Variants in FANCC observed in about 807,000 individuals in gnomAD.
FANCC encodes Fanconi anemia group C protein.
A neutral mutation model predicts 71.3 loss-of-function variants in FANCC; 55 were observed. The ratio of observed to expected loss-of-function variants is 0.77; its 90% CI spans 0.62 to 0.97. The LOEUF (loss-of-function observed/expected upper bound fraction) is 0.97. FANCC is among the 50% of genes least tolerant of loss of function. The pLI is 0.00. For synonymous variants in FANCC, 275 were observed against 244.9 expected (o/e 1.12, Z -1.15); for missense variants, 678 against 670.9 (o/e 1.01, Z -0.12).
At chr9:95,237,990 T>C (rs1035121415) in intron 4 of FANCC, among the ~76,000 whole-genome samples, 1 of 152,262 alleles carries the variant, frequency 6.6e-6, no homozygotes, top group East Asian at 1.9e-4. Flanking sequence ...TTTACCATTA[T>C]CTATGCAGCA....
At chr9:95,254,645 T>C (rs1254466002) in intron 1 of FANCC, among the ~76,000 whole-genome samples, 1 of 152,162 alleles carries the variant, frequency 6.6e-6, no homozygotes, top group African/African-American at 2.4e-5. Context: ...AGCACAAAAC[T>C]GGGCGGCCAT....
At chr9:95,302,500 T>A (rs1015370989) in intron 1 of FANCC, among the ~76,000 whole-genome samples, 22 of 152,312 alleles carry the variant, frequency 1.4e-4, no homozygotes, top group African/African-American at 5.3e-4. Flanking sequence ...TCCAGGAAAT[T>A]CAGTGATCCT....
intron 6 of FANCC, among the ~76,000 whole-genome samples, chr9:95,154,410 G>A (rs1588190830): frequency 6.6e-6 from 1 of 152,116 alleles, no homozygotes. Flanking sequence ...AGGTTAGGGA[G>A]ACAAACAGGA....
chr9:95,220,334 G>C (rs1829156850), intron 4 of FANCC, among the ~76,000 whole-genome samples: 1 of 152,224 alleles, frequency 6.6e-6, no homozygotes, highest in African/African-American at 2.4e-5. Context: ...TCTAGAACTA[G>C]AAATACCATT....
chr9:95,267,337 G>A (rs1474743771), intron 1 of FANCC, among the ~76,000 whole-genome samples: 2 of 152,302 alleles, frequency 1.3e-5, no homozygotes, highest in East Asian at 3.9e-4. Flanking sequence ...GGCAGGACCA[G>A]GCACTGCGTG....
Position 95,111,466 on chromosome 9 carries a change from A to C in FANCC, c.1326T>G (p.Thr442=). The C allele has an allele frequency of 6.2e-7, 1 of 1,612,724 alleles. No individual in the cohort carries two copies. ...PRDGRQQRAQ[T]MVQVKAVLGH... is the part of the protein sequence containing the mutation. ...TGCAGTGGGGCCTGCTACCCACCAT[A>C]GTCTGTGCTCTCTGCTGCCTCCCAT... is the stretch of plus-strand genomic sequence containing the variant. The change falls in exon 13 of 15, where the codon ACT becomes ACG. Residue 442 remains threonine (T), a synonymous_variant. Transcript: ENST00000289081.
chr9:95,268,545 A>G (rs1197734075), intron 1 of FANCC, among the ~76,000 whole-genome samples: 2 of 152,240 alleles, frequency 1.3e-5, no homozygotes, highest in African/African-American at 2.4e-5. Flanking sequence ...ACATTAACAT[A>G]AAGGAAAACA....
intron 1 of FANCC, among the ~76,000 whole-genome samples, chr9:95,257,494 A>C (rs1831738468): frequency 6.6e-6 from 1 of 152,244 alleles, no homozygotes; most frequent in Admixed American, 6.5e-5. Flanking sequence ...GAGAACAAAG[A>C]CACAACGTAC....
intron 11 of FANCC, among the ~76,000 whole-genome samples, chr9:95,116,721 C>T (rs1019127814): frequency 5.3e-5 from 8 of 152,210 alleles, no homozygotes; most frequent in East Asian, 3.8e-4. Context: ...CAGCCACATT[C>T]CTGGATCAAC....
At chr9:95,245,432 T>C (rs1830904659) in intron 3 of FANCC, among the ~76,000 whole-genome samples, 1 of 151,962 alleles carries the variant, frequency 6.6e-6, no homozygotes. Flanking sequence ...AAACCTTAAA[T>C]ACAGTGTTTT....
intron 1 of FANCC, among the ~76,000 whole-genome samples, chr9:95,273,150 A>G (rs930505504): frequency 1.3e-5 from 2 of 152,360 alleles, no homozygotes; most frequent in Non-Finnish European, 2.9e-5. Flanking sequence ...GAAATGACGT[A>G]GGCATTCTTT....
chr9:95,245,337 A>G (rs1197484533), intron 3 of FANCC, among the ~76,000 whole-genome samples: 1 of 152,102 alleles, frequency 6.6e-6, no homozygotes, highest in Non-Finnish European at 1.5e-5. Flanking sequence ...TGGACTGCAC[A>G]GAATAATAAT....
rs1474587823 is a variant in FANCC at position 95,317,603 on chromosome 9, G to C, written c.-156C>G. On this transcript the variant is annotated 5_prime_UTR_variant, in exon 1 of 15. Coordinates refer to ENST00000289081, the MANE Select transcript of FANCC (RefSeq NM_000136.3). The stretch of plus-strand genomic sequence containing the variant: ...AGCCACCGCCCGGGATCTGTGGCTT[G>C]AAAATTTGGCTTTGCCTCGTATTGG... 6.6e-6 allele frequency: 1 copy of C among 152,256 alleles called. No homozygotes were observed. Among genetic ancestry groups the C allele is most frequent in the African/African-American group, 2.4e-5 (1 of 41,472 alleles). 9.4% of individuals were successfully genotyped at this position (152,256 alleles called of 1,614,324 possible).
chr9:95,113,387 A>C (rs939436201), intron 12 of FANCC, among the ~76,000 whole-genome samples: 3 of 152,222 alleles, frequency 2.0e-5, no homozygotes, highest in South Asian at 2.1e-4. Flanking sequence ...GAATAAAATT[A>C]TACTCTGAAA....
At chr9:95,256,838 A>G (rs564735194) in intron 1 of FANCC, among the ~76,000 whole-genome samples, 4 of 152,308 alleles carry the variant, frequency 2.6e-5, no homozygotes, top group African/African-American at 4.8e-5. Context: ...GGATGGAGGA[A>G]TATTTACCAA....
intron 4 of FANCC, among the ~76,000 whole-genome samples, chr9:95,227,758 G>A (rs1179961028): frequency 6.6e-6 from 1 of 152,220 alleles, no homozygotes; most frequent in Non-Finnish European, 1.5e-5. Context: ...TTGGGATCAG[G>A]CCCAGCTAAA....
Position 95,240,530 on chromosome 9 carries a change from GAA to G in FANCC, c.345+117_345+118del, listed in dbSNP as rs1830574161. The G allele has an allele frequency of 1.1e-5, 8 of 702,278 alleles. No individual in the cohort carries two copies. The South Asian group carries it at 1.2e-4, about 10-fold the overall frequency. The allele number at this position is 702,278 out of a possible 1,614,324, so 43.5% of individuals were successfully genotyped here. A position where few individuals can be genotyped will look rare whatever the true frequency, so the allele number is the denominator to read the frequency against. ...TAATGTAACAGTGAAGGGTATGTTT[GAA>G]AAAGTTTCTAAAACATCATAGAACT... On this transcript the variant is annotated intron_variant, in intron 4 of 14. Coordinates refer to ENST00000289081, the MANE Select transcript of FANCC (RefSeq NM_000136.3).
intron 4 of FANCC, among the ~76,000 whole-genome samples, chr9:95,173,572 C>T (rs549393588): frequency 6.6e-6 from 1 of 152,202 alleles, no homozygotes; most frequent in Non-Finnish European, 1.5e-5. Context: ...TGTCTAACAG[C>T]AGAGAATGAT....
At chr9:95,103,606 T>G (rs1236210395) in intron 14 of FANCC, among the ~76,000 whole-genome samples, 1 of 151,674 alleles carries the variant, frequency 6.6e-6, no homozygotes, top group African/African-American at 2.4e-5. Context: ...GGCAGAGGAG[T>G]GCCTGGCGAG....
Sources: allele counts gnomAD v4.1 joint callset (sites outside exome capture counted in the v4.1 genomes callset), GRCh38; gene constraint gnomAD v4.1.1; transcripts MANE v1.5; gene names NCBI Gene and HGNC (gene_info 2026-07-23, HGNC 2026-07-21).